Variants in ENPP2 observed in about 807,000 individuals in gnomAD.
ENPP2 encodes the protein ectonucleotide pyrophosphatase/phosphodiesterase 2.
Under a neutral mutation model 120.2 loss-of-function variants are expected in ENPP2, and 51 were observed. The ratio of observed to expected loss-of-function variants is 0.42; its 90% confidence interval spans 0.34 to 0.54. The LOEUF (loss-of-function observed/expected upper bound fraction) is 0.54, where lower values mean the gene tolerates loss of function less well. Ranked by LOEUF, ENPP2 falls within the 20% of genes least tolerant of loss-of-function variation. The probability of loss-of-function intolerance (pLI) is 0.04; values close to 1 mark genes in which losing one functional copy is unlikely to be tolerated. For synonymous variants in ENPP2, 365 were observed against 366.4 expected (o/e 1.00, Z 0.04); for missense variants, 920 against 1,066.5 (o/e 0.86, Z 1.91).
intron 9 of ENPP2, among the ~76,000 whole-genome samples, chr8:119,606,895 C>G (rs929749423): frequency 1.3e-5 from 2 of 148,668 alleles, no homozygotes; most frequent in African/African-American, 4.9e-5. Context: ...TCAGTGGGAA[C>G]AAAATCCCCG....
chr8:119,608,122 C>T, intron 8 of ENPP2, 145 bp from the exon 9 acceptor site: 1 of 548,004 alleles, frequency 1.8e-6, no homozygotes, highest in African/African-American at 1.9e-5. Context: ...CATTTATTTT[C>T]ACATCTGGAA....
At chr8:119,578,254 A>G (rs1344981405) in intron 19 of ENPP2, 1 of 151,968 alleles carries the variant, frequency 6.6e-6, no homozygotes, top group Non-Finnish European at 1.5e-5. Flanking sequence ...GGGTTTCACC[A>G]TGTTAGCCAG....
At chr8:119,638,125 C>G (rs1358405443) in intron 2 of ENPP2, among the ~76,000 whole-genome samples, 3 of 152,206 alleles carry the variant, frequency 2.0e-5, no homozygotes, top group Admixed American at 6.5e-5. Flanking sequence ...AACACCTGTT[C>G]TCACCACTTC....
In ENPP2 at chr8:119,557,306, G is replaced by T; in HGVS notation, c.*215C>A. 2.1e-6 allele frequency: 1 copy of T among 476,202 alleles called. No individual in the cohort carries two copies. The highest frequency in any genetic ancestry group is 3.7e-6 in the Non-Finnish European group (1 of 270,864). 29.5% of individuals were successfully genotyped at this position (476,202 alleles called of 1,614,324 possible). A position where few individuals can be genotyped will look rare whatever the true frequency, so the allele number is the denominator to read the frequency against. On this transcript the variant is annotated 3_prime_UTR_variant, in exon 25 of 25. Transcript: ENST00000075322. Reference sequence around the variant, plus strand: ...TTAGAAGCTTCCACTAAAAACTCAAGCTGCAGTATTTATTACAAGCTCTAC... The same window carrying T: ...TTAGAAGCTTCCACTAAAAACTCAATCTGCAGTATTTATTACAAGCTCTAC...
intron 1 of ENPP2, among the ~76,000 whole-genome samples, chr8:119,653,182 G>T (rs947406721): frequency 6.6e-6 from 1 of 152,152 alleles, no homozygotes; most frequent in African/African-American, 2.4e-5. Flanking sequence ...CATTAAGAGA[G>T]GCATGACCAG....
chr8:119,564,028 C>T (rs1814190298), intron 23 of ENPP2, among the ~76,000 whole-genome samples: 1 of 151,148 alleles, frequency 6.6e-6, no homozygotes, highest in South Asian at 2.1e-4. Flanking sequence ...AAATACATCC[C>T]AATCACTCTA....
At chr8:119,628,131 A>G (rs1816411819) in intron 2 of ENPP2, among the ~76,000 whole-genome samples, 1 of 152,054 alleles carries the variant, frequency 6.6e-6, no homozygotes. Context: ...TCTGAAGTTA[A>G]ATAATCAAAG....
chr8:119,638,469 T>C lies in ENPP2; in HGVS notation c.92A>G (p.His31Arg). The C allele has an allele frequency of 6.2e-7, 1 of 1,610,724 alleles. No individual in the cohort carries two copies. The highest frequency in any genetic ancestry group is 8.5e-7 in the Non-Finnish European group (1 of 1,176,834). The change falls in exon 2 of 25, where the codon CAT (histidine) becomes CGT (arginine). Residue 31 changes from histidine (H) to arginine (R), a missense_variant. By Grantham distance (29) the His-to-Arg change is conservative. Coordinates refer to ENST00000075322, the MANE Select transcript of ENPP2 (RefSeq NM_001040092.3). The stretch of plus-strand genomic sequence containing the variant: ...CCATCCTTCTGCTCTCTTAATTCGA[T>C]GTGCAGTGAATCCTAAGCAGATATT... ...GVNICLGFTA[H>R]RIKRAEGWEE...
intron 2 of ENPP2, 29 bp from the exon 3 acceptor site, chr8:119,626,749 G>A: frequency 6.2e-7 from 1 of 1,609,634 alleles, no homozygotes; most frequent in Non-Finnish European, 8.5e-7. Flanking sequence ...AAAAACAATG[G>A]ACTGGAGAGT....
At chr8:119,612,024 G>A (rs1387216932) in intron 8 of ENPP2, among the ~76,000 whole-genome samples, 1 of 151,746 alleles carries the variant, frequency 6.6e-6, no homozygotes, top group East Asian at 1.9e-4. Context: ...GCAAAACTCT[G>A]TCTCAAAAAA....
intron 5 of ENPP2, among the ~76,000 whole-genome samples, chr8:119,618,949 T>G (rs1359430136): frequency 6.6e-6 from 1 of 152,076 alleles, no homozygotes; most frequent in Non-Finnish European, 1.5e-5. Flanking sequence ...AAAAAAGTCT[T>G]AGCCAGAATA....
chr8:119,619,218 T>G lies in ENPP2; in HGVS notation c.479+26A>C, dbSNP rs531593008. On this transcript the variant is annotated intron_variant, in intron 5 of 24. Transcript: ENST00000075322. ...AGTTTATCAGCTAATACATAAAACT[T>G]CAAAATAGTCATAAAATACACTTAC... 7 of 1,546,830 alleles carry G rather than the reference T, an allele frequency of 4.5e-6. No homozygotes were observed. The East Asian group carries it at 1.6e-4, about 35-fold the overall frequency.
chr8:119,558,470 G>A (rs963781823), intron 24 of ENPP2, among the ~76,000 whole-genome samples: 2 of 152,046 alleles, frequency 1.3e-5, no homozygotes, highest in Non-Finnish European at 2.9e-5. Context: ...AAAAGAAAGT[G>A]AATCTCTGCC....
At chr8:119,617,714 C>T (rs957876307) in intron 5 of ENPP2, 151 bp from the exon 6 acceptor site, 34 of 605,004 alleles carry the variant, frequency 5.6e-5, no homozygotes, top group South Asian at 4.5e-4. Flanking sequence ...TTTGGGAGTC[C>T]GAGGCGGGCT....
intron 1 of ENPP2, among the ~76,000 whole-genome samples, chr8:119,670,298 C>T (rs1273878574): frequency 2.0e-5 from 3 of 152,168 alleles, no homozygotes; most frequent in Admixed American, 6.5e-5. Context: ...CCTTCCATTG[C>T]TAAATAAGTA....
At chr8:119,576,819 T>C (rs1445946410) in intron 19 of ENPP2, among the ~76,000 whole-genome samples, 1 of 152,186 alleles carries the variant, frequency 6.6e-6, no homozygotes, top group Non-Finnish European at 1.5e-5. Flanking sequence ...ACAACAGGCA[T>C]GCAATTAAGA....
intron 1 of ENPP2, among the ~76,000 whole-genome samples, chr8:119,660,699 T>C (rs190301459): frequency 5.9e-5 from 9 of 152,118 alleles, no homozygotes; most frequent in African/African-American, 1.7e-4. Flanking sequence ...TCAATGAGAG[T>C]TTTGAGCAGT....
intron 13 of ENPP2, among the ~76,000 whole-genome samples, chr8:119,588,121 G>GA (rs1813242319): frequency 6.6e-6 from 1 of 152,092 alleles, no homozygotes; most frequent in Non-Finnish European, 1.5e-5. Context: ...CTTGAAATCC[G>GA]AAACTAAAAT....
intron 5 of ENPP2, 51 bp from the exon 6 acceptor site, chr8:119,617,614 A>T: frequency 1.6e-6 from 2 of 1,273,128 alleles, no homozygotes; most frequent in Non-Finnish European, 2.3e-6. Context: ...CAGAGTTGCC[A>T]TTACGCCTAG....
Sources: gnomAD v4.1 joint callset for allele counts (sites outside exome capture counted in the v4.1 genomes callset) on GRCh38, gnomAD v4.1.1 for gene constraint, MANE v1.5 for transcripts, NCBI Gene and HGNC (gene_info 2026-07-23, HGNC 2026-07-21) for gene names.